Variants in LNX2 observed in about 807,000 individuals in gnomAD.
LNX2 encodes the protein ligand of Numb protein X 2.
Under a neutral mutation model 66.2 loss-of-function variants are expected in LNX2, and 35 were observed. The observed-to-expected ratio is 0.53, with a 90% CI of 0.40 to 0.70. LNX2 has a LOEUF of 0.70. Ranked by LOEUF, LNX2 falls within the 30% of genes least tolerant of loss-of-function variation. The pLI is 0.00. For missense variants in LNX2, 791 were observed against 850.8 expected (o/e 0.93, Z 0.87); for synonymous variants, 337 against 315.6 (o/e 1.07, Z -0.72).
chr13:27,597,674 C>T (rs939482016), intron 1 of LNX2, among the ~76,000 whole-genome samples: 22 of 151,794 alleles, frequency 1.4e-4, no homozygotes, highest in Non-Finnish European at 8.8e-5. Context: ...ACTGCAATGG[C>T]CAAGATGACT....
rs192619713 is a variant in LNX2, at chr13:27,606,030, G to C, written c.-101+14345C>G. Among the ~76,000 whole-genome samples, 5 of 152,150 alleles carry C rather than the reference G, an allele frequency of 3.3e-5. No homozygotes were observed. The East Asian group carries it at 9.6e-4, about 29-fold the overall frequency. ...GCACCTGACAATCCTCAAAATGAAAGCTATTCTAAGAGTGTCCACTACAAA... is the reference window on the plus strand; with the variant it reads ...GCACCTGACAATCCTCAAAATGAAACCTATTCTAAGAGTGTCCACTACAAA... On this transcript the variant is annotated intron_variant, in intron 1 of 9. Coordinates refer to ENST00000316334, the MANE Select transcript of LNX2 (RefSeq NM_153371.4).
At chr13:27,591,115 G>A (rs1310544058) in intron 1 of LNX2, among the ~76,000 whole-genome samples, 1 of 152,120 alleles carries the variant, frequency 6.6e-6, no homozygotes, top group Admixed American at 6.5e-5. Context: ...AATAGACAAT[G>A]GCCTCAGGGG....
At chr13:27,614,358 T>C (rs2138487823) in intron 1 of LNX2, among the ~76,000 whole-genome samples, 1 of 152,308 alleles carries the variant, frequency 6.6e-6, no homozygotes, top group African/African-American at 2.4e-5. Context: ...TCAGGTTTTT[T>C]GGTTGGACCC....
chr13:27,600,139 T>A (rs1344430066), intron 1 of LNX2, among the ~76,000 whole-genome samples: 1 of 152,184 alleles, frequency 6.6e-6, no homozygotes, highest in African/African-American at 2.4e-5. Context: ...ATAGGGTTAC[T>A]CTGGAGAGCT....
At chr13:27,566,943 C>G (rs892031090) in intron 4 of LNX2, among the ~76,000 whole-genome samples, 4 of 152,150 alleles carry the variant, frequency 2.6e-5, no homozygotes, top group Admixed American at 2.6e-4. Flanking sequence ...CTCTTACCAT[C>G]CTCCTCCCCT....
intron 7 of LNX2, among the ~76,000 whole-genome samples, chr13:27,554,048 T>C (rs2138319398): frequency 6.6e-6 from 1 of 152,330 alleles, no homozygotes; most frequent in East Asian, 1.9e-4. Flanking sequence ...ATGAGGATTA[T>C]ATCAAAGGTT....
chr13:27,559,138 T>TA (rs2138332518), intron 6 of LNX2, among the ~76,000 whole-genome samples: 2 of 152,262 alleles, frequency 1.3e-5, no homozygotes, highest in South Asian at 4.1e-4. Context: ...TCAAGAATGC[T>TA]AAAGTATCAT....
At chr13:27,561,141 A>T (rs1466964165) in intron 5 of LNX2, among the ~76,000 whole-genome samples, 1 of 152,242 alleles carries the variant, frequency 6.6e-6, no homozygotes, top group Non-Finnish European at 1.5e-5. Context: ...ATAAAATATG[A>T]TCACGGACAA....
At chr13:27,612,390 T>C (rs1955782452) in intron 1 of LNX2, among the ~76,000 whole-genome samples, 1 of 152,200 alleles carries the variant, frequency 6.6e-6, no homozygotes, top group Non-Finnish European at 1.5e-5. Flanking sequence ...TTTACCTGTG[T>C]AACACCTACT....
rs1319309345 is a variant in LNX2, at chr13:27,548,443, A to G, written c.1965T>C (p.Asn655=). 3 of 1,613,996 alleles carry G rather than the reference A, an allele frequency of 1.9e-6. No individual in the cohort carries two copies. The highest frequency in any genetic ancestry group is 2.5e-6 in the Non-Finnish European group (3 of 1,180,020). The change falls in exon 10 of 10, where the codon AAT becomes AAC. Residue 655 remains asparagine (N), a synonymous_variant. Transcript: ENST00000316334. ...GGCTCATGCCCACGGTTGACAGCCCATTTACGGCCACAATCATGTCACCAC... is the reference window on the plus strand; with the variant it reads ...GGCTCATGCCCACGGTTGACAGCCCGTTTACGGCCACAATCATGTCACCAC... ...LKCGDMIVAV[N]GLSTVGMSHS...
Position 27,583,224 on chromosome 13 carries a change from GTGTGTGTGTGTGTGT to G in LNX2, c.-100-1436_-100-1422del, listed in dbSNP as rs1955431402. Reference sequence around the variant, plus strand: ...TGTGTGTGTGTGTGTGTGTGTGTGTGTGTGTGTGTGTGTGTGTGTGTGTGTGTGTGTGCGCGCGTC... The same window carrying G: ...TGTGTGTGTGTGTGTGTGTGTGTGTGGTGTGTGTGTGTGTGTGCGCGCGTC... On this transcript the variant is annotated intron_variant, in intron 1 of 9. Transcript: ENST00000316334. 7.6e-5 allele frequency among the ~76,000 whole-genome samples: 2 copies of G among 26,388 alleles called. 1 individual carries two copies. Among genetic ancestry groups the G allele is most frequent in the Non-Finnish European group, 1.3e-4 (2 of 15,132 alleles). The allele number at this position is 26,388 out of a possible 152,430, so 17.3% of individuals were successfully genotyped here. A position where few individuals can be genotyped will look rare whatever the true frequency, so the allele number is the denominator to read the frequency against.
intron 1 of LNX2, among the ~76,000 whole-genome samples, chr13:27,583,172 G>GTGTGTGTA (rs1424197910): frequency 0.029 from 32 of 1,122 alleles, 1 homozygote; most frequent in Non-Finnish European, 0.043. Context: ...GAGCAGCAGT[G>GTGTGTGTA]TGTGTGTGTG....
chr13:27,619,357 A>C (rs1955865668), intron 1 of LNX2, among the ~76,000 whole-genome samples: 1 of 152,226 alleles, frequency 6.6e-6, no homozygotes, highest in Admixed American at 6.5e-5. Context: ...CAAATCTAGC[A>C]AAGTAAATAA....
intron 1 of LNX2, among the ~76,000 whole-genome samples, chr13:27,587,292 C>A (rs377500200): frequency 5.9e-5 from 9 of 152,252 alleles, no homozygotes; most frequent in African/African-American, 2.2e-4. Flanking sequence ...AGCGCTCCCC[C>A]CCTTCCCTTC....
chr13:27,613,115 C>T (rs112324899), intron 1 of LNX2, among the ~76,000 whole-genome samples: 114 of 152,240 alleles, frequency 7.5e-4, no homozygotes, highest in African/African-American at 2.4e-3. Flanking sequence ...GAGACAGAAG[C>T]AGAGTTAATC....
intron 6 of LNX2, among the ~76,000 whole-genome samples, chr13:27,558,007 T>C (rs1955084249): frequency 1.3e-5 from 2 of 152,058 alleles, no homozygotes; most frequent in Non-Finnish European, 2.9e-5. Context: ...CTAAAATGTA[T>C]GCAATTTTTA....
At chr13:27,565,361 A>G (rs1955191529) in intron 4 of LNX2, among the ~76,000 whole-genome samples, 1 of 152,248 alleles carries the variant, frequency 6.6e-6, no homozygotes, top group Non-Finnish European at 1.5e-5. Flanking sequence ...CTTACATTTC[A>G]GCTAAAAAGC....
At chr13:27,600,555 G>A (rs1238539868) in intron 1 of LNX2, among the ~76,000 whole-genome samples, 1 of 152,174 alleles carries the variant, frequency 6.6e-6, no homozygotes, top group East Asian at 1.9e-4. Context: ...GTGAGCAACT[G>A]TGTGTAGAAT....
chr13:27,580,946 A>G (rs748875280), intron 2 of LNX2, among the ~76,000 whole-genome samples: 3 of 152,226 alleles, frequency 2.0e-5, no homozygotes, highest in Non-Finnish European at 2.9e-5. Context: ...AACTAGATAA[A>G]AGGAGATTTA....
Sources: gnomAD v4.1 joint callset for allele counts (sites outside exome capture counted in the v4.1 genomes callset) on GRCh38, gnomAD v4.1.1 for gene constraint, MANE v1.5 for transcripts, NCBI Gene and HGNC (gene_info 2026-07-23, HGNC 2026-07-21) for gene names.